Variants in RASA1 observed in about 807,000 individuals in gnomAD.
RASA1 encodes the protein RAS p21 protein activator 1.
RASA1 carries 25 observed loss-of-function variants against 132.2 expected under a neutral mutation model. The ratio of observed to expected loss-of-function variants is 0.19; its 90% CI spans 0.14 to 0.26. The LOEUF (loss-of-function observed/expected upper bound fraction) is 0.26, where lower values mean the gene tolerates loss of function less well. RASA1 is among the 10% of genes least tolerant of loss of function. The probability of loss-of-function intolerance (pLI) is 1.00; values close to 1 mark genes in which losing one functional copy is unlikely to be tolerated. For synonymous variants in RASA1, 477 were observed against 449.9 expected (o/e 1.06, Z -0.76); for missense variants, 964 against 1,299.2 (o/e 0.74, Z 3.97).
chr5:87,361,604 T>C (rs1470381857), intron 9 of RASA1, among the ~76,000 whole-genome samples: 1 of 152,190 alleles, frequency 6.6e-6, no homozygotes, highest in Non-Finnish European at 1.5e-5. Flanking sequence ...TCATTTATTC[T>C]GGAAAGATCA....
intron 1 of RASA1, among the ~76,000 whole-genome samples, chr5:87,305,923 A>G (rs1755587833): frequency 6.6e-6 from 1 of 152,202 alleles, no homozygotes; most frequent in Non-Finnish European, 1.5e-5. Flanking sequence ...TCAAAGCCAC[A>G]ATGACACCAG....
intron 1 of RASA1, among the ~76,000 whole-genome samples, chr5:87,271,399 A>C (rs540395965): frequency 6.6e-6 from 1 of 151,322 alleles, no homozygotes; most frequent in Non-Finnish European, 1.5e-5. Context: ...TTTATAACTA[A>C]ATTAGGTATA....
intron 12 of RASA1, among the ~76,000 whole-genome samples, chr5:87,371,712 C>T (rs1760954598): frequency 6.6e-6 from 1 of 152,026 alleles, no homozygotes; most frequent in Non-Finnish European, 1.5e-5. Flanking sequence ...GCACTCTCCC[C>T]CTCTCACAAA....
chr5:87,332,637 C>T lies in RASA1; in HGVS notation c.823C>T (p.Pro275Ser), dbSNP rs1459796438. Residue 275 changes from proline (P) to serine (S), a missense_variant, in exon 3 of 25, where the codon CCA becomes TCA. By Grantham distance (74) the Pro-to-Ser change is moderately conservative. Around this residue, in one of 6 missense-constraint regions of RASA1, gnomAD observed 154 missense variants for 286.5 expected, o/e 0.54. Transcript: ENST00000274376. ...AAAATTACTTTACCCAGTTGCACCA[C>T]CAGAGGCAAGTAAAATGAATAAAAT... ...GEKLLYPVAP[P>S]EPVEDRRRVR... 2 of 1,609,248 alleles carry T rather than the reference C, an allele frequency of 1.2e-6. No individual in the cohort carries two copies. Among genetic ancestry groups the T allele is most frequent in the East Asian group, 2.2e-5 (1 of 44,648 alleles).
At chr5:87,280,790 T>G (rs1046606361) in intron 1 of RASA1, among the ~76,000 whole-genome samples, 2 of 152,018 alleles carry the variant, frequency 1.3e-5, no homozygotes, top group African/African-American at 4.8e-5. Flanking sequence ...AGAGTCTCAC[T>G]CTGTCGCCCA....
chr5:87,287,055 C>A (rs540439231), intron 1 of RASA1, among the ~76,000 whole-genome samples: 102 of 133,544 alleles, frequency 7.6e-4, no homozygotes, highest in African/African-American at 2.7e-3. Flanking sequence ...ATATATATAC[C>A]CCATGTATAT....
intron 4 of RASA1, among the ~76,000 whole-genome samples, chr5:87,334,605 A>T (rs1222799407): frequency 6.6e-6 from 1 of 152,240 alleles, no homozygotes; most frequent in African/African-American, 2.4e-5. Flanking sequence ...CAATGATGGT[A>T]CAAAAGCAAT....
At chr5:87,364,213 G>A (rs553353983) in intron 11 of RASA1, among the ~76,000 whole-genome samples, 1 of 152,102 alleles carries the variant, frequency 6.6e-6, no homozygotes, top group Non-Finnish European at 1.5e-5. Flanking sequence ...GCCGCAGGAT[G>A]GCATTTCTGT....
chr5:87,385,194 G>T, intron 21 of RASA1, 107 bp from the exon 22 acceptor site: 1 of 765,638 alleles, frequency 1.3e-6, no homozygotes. Flanking sequence ...ATGGAAGAAT[G>T]GGTAGTAGTT....
intron 1 of RASA1, among the ~76,000 whole-genome samples, chr5:87,307,048 T>G (rs566537211): frequency 2.3e-4 from 35 of 152,238 alleles, no homozygotes; most frequent in Admixed American, 2.2e-3. Flanking sequence ...AAACCTTTTT[T>G]GTAGAGTTGG....
At chr5:87,385,202 G>GT in intron 21 of RASA1, 99 bp from the exon 22 acceptor site, 1 of 821,326 alleles carries the variant, frequency 1.2e-6, no homozygotes, top group Non-Finnish European at 2.1e-6. Context: ...ATGGGTAGTA[G>GT]TTTAACAGTA....
At chr5:87,314,463 C>T (rs1756165581) in intron 1 of RASA1, among the ~76,000 whole-genome samples, 1 of 152,084 alleles carries the variant, frequency 6.6e-6, no homozygotes, top group Non-Finnish European at 1.5e-5. Context: ...AAGGAAATGA[C>T]AGGATGGAAG....
At chr5:87,379,321 T>G (rs1761542888) in intron 18 of RASA1, among the ~76,000 whole-genome samples, 1 of 152,148 alleles carries the variant, frequency 6.6e-6, no homozygotes, top group Non-Finnish European at 1.5e-5. Context: ...GCTACGGAAT[T>G]CCGACTTCCA....
intron 1 of RASA1, among the ~76,000 whole-genome samples, chr5:87,293,689 A>G (rs1384102116): frequency 6.6e-6 from 1 of 152,056 alleles, no homozygotes; most frequent in African/African-American, 2.4e-5. Context: ...TCACCAGTGA[A>G]CCCATCTGGA....
chr5:87,268,302 C>A lies in RASA1; in HGVS notation c.-150C>A. 8.8e-7 allele frequency: 1 copy of A among 1,136,816 alleles called. No individual in the cohort carries two copies. The highest frequency in any genetic ancestry group is 1.2e-6 in the Non-Finnish European group (1 of 828,908). 70.4% of individuals were successfully genotyped at this position (1,136,816 alleles called of 1,614,324 possible). A position where few individuals can be genotyped will look rare whatever the true frequency, so the allele number is the denominator to read the frequency against. Reference sequence around the variant, plus strand: ...TGGGCTGTGGCCCTAGGAGGGGGCGCGGCGGCGGGCTCTCTCCTTTTGTTG... The same window carrying A: ...TGGGCTGTGGCCCTAGGAGGGGGCGAGGCGGCGGGCTCTCTCCTTTTGTTG... On this transcript the variant is annotated 5_prime_UTR_variant, in exon 1 of 25. Transcript: ENST00000274376.
Position 87,389,533 on chromosome 5 carries a change from C to CT in RASA1, c.3060+9dup, listed in dbSNP as rs574384512. The CT allele has an allele frequency of 3.8e-5, 61 of 1,613,764 alleles. No individual in the cohort carries two copies. The African/African-American group carries it at 5.5e-4, about 14-fold the overall frequency. ...ATGAGCGTGGTGCACAGCAGGTAGG[C>CT]TTTCGCCAGCCTTCATTAACAATGA... On this transcript the variant is annotated splice_region_variant and intron_variant, in intron 24 of 24. Transcript: ENST00000274376.
At chr5:87,278,166 C>G in intron 1 of RASA1, among the ~76,000 whole-genome samples, 1 of 152,230 alleles carries the variant, frequency 6.6e-6, no homozygotes, top group East Asian at 1.9e-4. Context: ...CACCTATATT[C>G]TTTTCTATCT....
chr5:87,374,149 T>TA lies in RASA1; in HGVS notation c.1777-14_1777-13insA, dbSNP rs1489522179. On this transcript the variant is annotated splice_polypyrimidine_tract_variant and intron_variant, in intron 13 of 24. Transcript: ENST00000274376. ...TCTGGGGTAATATATATATATATAT[T>TA]TTTTTTTTTTTAGGTCAGCAGCCTT... 2.5e-4 allele frequency: 284 copies of TA among 1,130,334 alleles called. No homozygotes were observed. The highest frequency in any genetic ancestry group is 4.9e-4 in the African/African-American group (24 of 49,142). 70.0% of individuals were successfully genotyped at this position (1,130,334 alleles called of 1,614,324 possible).
At chr5:87,385,209 A>C in intron 21 of RASA1, 92 bp from the exon 22 acceptor site, 1 of 843,486 alleles carries the variant, frequency 1.2e-6, no homozygotes, top group South Asian at 1.4e-5. Flanking sequence ...GTAGTTTAAC[A>C]GTAAAGAAAT....
Sources: allele counts gnomAD v4.1 joint callset (sites outside exome capture counted in the v4.1 genomes callset), GRCh38; gene constraint gnomAD v4.1.1; regional missense constraint gnomAD v4.1.1; transcripts MANE v1.5; gene names NCBI Gene and HGNC (gene_info 2026-07-23, HGNC 2026-07-21).